Variants in ZCCHC2 observed in about 807,000 individuals in gnomAD.
ZCCHC2 encodes the protein zinc finger CCHC-type containing 2.
A neutral mutation model predicts 103.6 loss-of-function variants in ZCCHC2; 39 were observed. That is an observed-to-expected ratio of 0.38 (90% CI 0.29 to 0.49). ZCCHC2 has a LOEUF of 0.49. Among genes scored for constraint, ZCCHC2 ranks in the 20% least tolerant of loss-of-function variants. The pLI is 0.96. For missense variants in ZCCHC2, 1,483 were observed against 1,491.0 expected (o/e 0.99, Z 0.09); for synonymous variants, 687 against 608.9 (o/e 1.13, Z -1.89).
At position 62,576,754 on chromosome 18, in the gene ZCCHC2, T is replaced by C. The variant is rs78317986; in HGVS notation, c.*175T>C. On this transcript the variant is annotated 3_prime_UTR_variant, in exon 14 of 14. Coordinates refer to ENST00000269499, the MANE Select transcript of ZCCHC2 (RefSeq NM_017742.6). ...CAAAACAAGAAAGAATGCAATGCTT[T>C]TGAGCCTCTGGTCTCCTGGTTCAAC... is the stretch of plus-strand genomic sequence containing the variant. 612 of 597,572 alleles carry C rather than the reference T, an allele frequency of 1.0e-3. 12 individuals are homozygous for C. In the East Asian group the frequency reaches 0.018, roughly 17 times the overall value. 37.0% of individuals were successfully genotyped at this position (597,572 alleles called of 1,614,324 possible).
In ZCCHC2 at chr18:62,574,500, G is replaced by A. The variant is rs767666189; in HGVS notation, c.2419G>A (p.Ala807Thr). ...STFLPHSSTP[A>T]LHLTVQRLKL... Reference sequence around the variant, plus strand: ...CTTCCTTCCACACAGTAGTACTCCCGCTTTGCATCTTACAGTTCAGAGGCT... The same window carrying A: ...CTTCCTTCCACACAGTAGTACTCCCACTTTGCATCTTACAGTTCAGAGGCT... Residue 807 changes from alanine to threonine, a missense_variant, in exon 13 of 14, where the codon GCT becomes ACT. Around this residue, in one of 3 missense-constraint regions of ZCCHC2, gnomAD observed 884 missense variants for 907.5 expected, o/e 0.97. Coordinates refer to ENST00000269499, the MANE Select transcript of ZCCHC2 (RefSeq NM_017742.6). The A allele has an allele frequency of 7.4e-6, 12 of 1,613,774 alleles. No individual in the cohort carries two copies. Among genetic ancestry groups the A allele is most frequent in the South Asian group, 3.3e-5 (3 of 91,080 alleles).
chr18:62,576,360 C>T (rs983942604), intron 13 of ZCCHC2, among the ~76,000 whole-genome samples, 152 bp from the exon 14 acceptor site: 1 of 152,230 alleles, frequency 6.6e-6, no homozygotes, highest in African/African-American at 2.4e-5. Flanking sequence ...CTTTACATTG[C>T]TTTTTAAAGT....
Position 62,523,583 on chromosome 18 carries a change from G to T in ZCCHC2, c.159G>T (p.Pro53=), listed in dbSNP as rs1338019523. 68 of 970,520 alleles carry T rather than the reference G, an allele frequency of 7.0e-5. No individual in the cohort carries two copies. The East Asian group carries it at 4.8e-3, about 69-fold the overall frequency. 60.1% of individuals were successfully genotyped at this position (970,520 alleles called of 1,614,324 possible). The change falls in exon 1 of 14, where the codon CCG becomes CCT. Residue 53 remains proline, a synonymous_variant. Coordinates refer to ENST00000269499, the MANE Select transcript of ZCCHC2 (RefSeq NM_017742.6). ...PPPPPPPPAG[P]SRGPLPPPPP... ...CGCCGCCGCCGCCGCCCGCGGGCCCGTCGCGGGGCCCTCTGCCGCCGCCGC... is the reference window on the plus strand; with the variant it reads ...CGCCGCCGCCGCCGCCCGCGGGCCCTTCGCGGGGCCCTCTGCCGCCGCCGC...
intron 1 of ZCCHC2, chr18:62,525,600 C>T (rs1375787303): frequency 6.6e-6 from 1 of 152,180 alleles, no homozygotes; most frequent in Non-Finnish European, 1.5e-5. Flanking sequence ...CCCGTGGAAT[C>T]AATGGATTTG....
chr18:62,541,809 T>C (rs547810654), intron 2 of ZCCHC2, among the ~76,000 whole-genome samples: 1 of 152,362 alleles, frequency 6.6e-6, no homozygotes, highest in East Asian at 1.9e-4. Flanking sequence ...GGGGGATTTA[T>C]ACATTTGCTT....
At chr18:62,536,600 G>A (rs566250300) in intron 1 of ZCCHC2, among the ~76,000 whole-genome samples, 1 of 152,304 alleles carries the variant, frequency 6.6e-6, no homozygotes, top group African/African-American at 2.4e-5. Flanking sequence ...AGGGCAGACA[G>A]CATCGCCGAG....
intron 1 of ZCCHC2, chr18:62,526,246 T>C (rs1473589742): frequency 6.6e-6 from 1 of 152,236 alleles, no homozygotes; most frequent in Non-Finnish European, 1.5e-5. Flanking sequence ...AAAGTGAGGT[T>C]GGGCATCCTG....
intron 1 of ZCCHC2, among the ~76,000 whole-genome samples, chr18:62,532,424 C>A (rs1174640139): frequency 2.6e-5 from 4 of 152,206 alleles, no homozygotes; most frequent in Non-Finnish European, 5.9e-5. Flanking sequence ...TTTTAGCCTT[C>A]CCACTTCTAA....
At chr18:62,535,945 T>C (rs934277033) in intron 1 of ZCCHC2, among the ~76,000 whole-genome samples, 2 of 152,266 alleles carry the variant, frequency 1.3e-5, no homozygotes, top group Non-Finnish European at 2.9e-5. Context: ...ACTGCTGTGT[T>C]ATTATATTTG....
In ZCCHC2 at chr18:62,523,376, G is replaced by GGGGCCCCCC; in HGVS notation, c.-49_-48insGGGCCCCCC. The GGGGCCCCCC allele has an allele frequency of 6.9e-6, 7 of 1,012,352 alleles. No homozygotes were observed. Among genetic ancestry groups the GGGGCCCCCC allele is most frequent in the Non-Finnish European group, 8.2e-6 (7 of 848,990 alleles). The allele number at this position is 1,012,352 out of a possible 1,614,324, so 62.7% of individuals were successfully genotyped here. ...GCCTCGGCCCGTGCTCCACCTCGCGGCCCCTCCCGCCCGCCCCCGCTCGCA... is the reference window on the plus strand; with the variant it reads ...GCCTCGGCCCGTGCTCCACCTCGCGGGGGCCCCCCCCCCTCCCGCCCGCCCCCGCTCGCA... On this transcript the variant is annotated 5_prime_UTR_variant, in exon 1 of 14. Transcript: ENST00000269499.
intron 2 of ZCCHC2, among the ~76,000 whole-genome samples, chr18:62,540,550 T>A (rs1441389112): frequency 1.3e-5 from 2 of 152,152 alleles, no homozygotes; most frequent in African/African-American, 4.8e-5. Flanking sequence ...AATGACCACT[T>A]CTATTCAAGA....
intron 8 of ZCCHC2, among the ~76,000 whole-genome samples, chr18:62,562,402 C>T (rs1003536266): frequency 2.0e-5 from 3 of 152,004 alleles, no homozygotes; most frequent in African/African-American, 7.2e-5. Context: ...TGATTTTCTT[C>T]ATCTGTTTCC....
intron 4 of ZCCHC2, among the ~76,000 whole-genome samples, chr18:62,546,438 C>G (rs1804659062): frequency 6.6e-6 from 1 of 152,216 alleles, no homozygotes; most frequent in African/African-American, 2.4e-5. Flanking sequence ...AGAAATTTAT[C>G]AAAATTTAGA....
chr18:62,533,378 T>G (rs1014345030), intron 1 of ZCCHC2, among the ~76,000 whole-genome samples: 1 of 145,096 alleles, frequency 6.9e-6, no homozygotes, highest in Non-Finnish European at 1.5e-5. Flanking sequence ...ATACAAAAAT[T>G]AGTCGGGCGT....
chr18:62,569,463 A>T (rs1916502970), intron 11 of ZCCHC2, among the ~76,000 whole-genome samples: 5 of 151,754 alleles, frequency 3.3e-5, no homozygotes, highest in Admixed American at 3.3e-4. Flanking sequence ...GGGTTTACAG[A>T]GATAAGAGAA....
intron 11 of ZCCHC2, among the ~76,000 whole-genome samples, chr18:62,567,105 TA>T (rs1276806512): frequency 1.3e-5 from 2 of 152,250 alleles, no homozygotes; most frequent in Non-Finnish European, 2.9e-5. Context: ...CTGAATGAAA[TA>T]TTTTTTGTAC....
chr18:62,545,959 G>T (rs1265259799), intron 4 of ZCCHC2, among the ~76,000 whole-genome samples: 1 of 152,196 alleles, frequency 6.6e-6, no homozygotes, highest in Admixed American at 6.5e-5. Flanking sequence ...AATTCCACTG[G>T]ATTTCTTATT....
In ZCCHC2 at chr18:62,523,378, CCCT is replaced by C; in HGVS notation, c.-44_-42del. 1 of 234,528 alleles carries C rather than the reference CCCT, an allele frequency of 4.3e-6. No homozygotes were observed. Among genetic ancestry groups the C allele is most frequent in the Non-Finnish European group, 7.0e-6 (1 of 143,354 alleles). 14.5% of individuals were successfully genotyped at this position (234,528 alleles called of 1,614,324 possible). The stretch of plus-strand genomic sequence containing the variant: ...CTCGGCCCGTGCTCCACCTCGCGGC[CCCT>C]CCCGCCCGCCCCCGCTCGCATGTCT... On this transcript the variant is annotated 5_prime_UTR_variant, in exon 1 of 14. Coordinates refer to ENST00000269499, the MANE Select transcript of ZCCHC2 (RefSeq NM_017742.6).
chr18:62,553,187 TGTGTGTGTG>T (rs1915742591), intron 5 of ZCCHC2, among the ~76,000 whole-genome samples: 1 of 151,638 alleles, frequency 6.6e-6, no homozygotes, highest in Non-Finnish European at 1.5e-5. Flanking sequence ...TGTGTGTGTG[TGTGTGTGTG>T]TGTGTGTATT....
Sources: allele counts gnomAD v4.1 joint callset (sites outside exome capture counted in the v4.1 genomes callset), GRCh38; gene constraint gnomAD v4.1.1; regional missense constraint gnomAD v4.1.1; transcripts MANE v1.5; gene names NCBI Gene and HGNC (gene_info 2026-07-23, HGNC 2026-07-21).